FHIT: variants seen among roughly 807,000 people sequenced by gnomAD.
FHIT encodes the protein fragile histidine triad diadenosine triphosphatase.
In FHIT, 19 loss-of-function variants were observed where a neutral mutation model predicts 17.9. That is an observed-to-expected ratio of 1.06 (90% CI 0.74 to 1.56). FHIT has a LOEUF of 1.56. Ranked by LOEUF, FHIT falls within the 40% of genes most tolerant of loss-of-function variation. The pLI is 0.00. For synonymous variants in FHIT, 81 were observed against 69.7 expected (o/e 1.16, Z -0.81); for missense variants, 248 against 189.2 (o/e 1.31, Z -1.82).
chr3:60,543,141 C>T (rs753259717), intron 4 of FHIT, among the ~76,000 whole-genome samples: 14 of 152,080 alleles, frequency 9.2e-5, no homozygotes, highest in Non-Finnish European at 1.8e-4. Context: ...GCAGGCCACA[C>T]AATGTCTGTT....
intron 5 of FHIT, among the ~76,000 whole-genome samples, chr3:60,396,862 G>T (rs562875266): frequency 6.6e-6 from 1 of 151,970 alleles, no homozygotes; most frequent in South Asian, 2.1e-4. Flanking sequence ...TACATATAAA[G>T]AATTTTTTTT....
intron 5 of FHIT, among the ~76,000 whole-genome samples, chr3:60,467,624 A>G (rs2032871355): frequency 6.6e-6 from 1 of 152,002 alleles, no homozygotes. Flanking sequence ...GTGTTTGTAT[A>G]ATTTCCAAAA....
chr3:60,873,836 C>T (rs1383207751), intron 3 of FHIT, among the ~76,000 whole-genome samples: 11 of 152,082 alleles, frequency 7.2e-5, no homozygotes, highest in Non-Finnish European at 1.2e-4. Context: ...AAGCCCTTTA[C>T]AATATTTAGA....
chr3:59,918,548 T>C (rs1186454822), intron 8 of FHIT, among the ~76,000 whole-genome samples: 2 of 152,052 alleles, frequency 1.3e-5, no homozygotes, highest in Non-Finnish European at 2.9e-5. Flanking sequence ...GCACTGTAAA[T>C]GAATAGGCAG....
chr3:59,921,364 G>A (rs748727870), intron 8 of FHIT, among the ~76,000 whole-genome samples: 11 of 152,294 alleles, frequency 7.2e-5, no homozygotes, highest in South Asian at 2.1e-4. Flanking sequence ...TAATCATGTG[G>A]TTTATTTGAT....
At chr3:60,290,904 T>G (rs1172660418) in intron 5 of FHIT, among the ~76,000 whole-genome samples, 1 of 152,166 alleles carries the variant, frequency 6.6e-6, no homozygotes, top group East Asian at 1.9e-4. Context: ...AGCAGTCTGA[T>G]CCAGGCAGCT....
At chr3:61,169,392 A>T (rs367573197) in intron 2 of FHIT, among the ~76,000 whole-genome samples, 1 of 152,326 alleles carries the variant, frequency 6.6e-6, no homozygotes, top group African/African-American at 2.4e-5. Context: ...CTCAAATCAT[A>T]TAAGTAAAAT....
At chr3:60,449,936 G>A in intron 5 of FHIT, among the ~76,000 whole-genome samples, 1 of 146,322 alleles carries the variant, frequency 6.8e-6, no homozygotes, top group Admixed American at 7.0e-5. Flanking sequence ...CTGGGAGGCA[G>A]AGGTTGCAAT....
At chr3:60,692,477 A>T (rs1303004801) in intron 4 of FHIT, among the ~76,000 whole-genome samples, 1 of 152,210 alleles carries the variant, frequency 6.6e-6, no homozygotes, top group Non-Finnish European at 1.5e-5. Context: ...TCTCAAAAAC[A>T]GAAGTAGAAT....
intron 8 of FHIT, among the ~76,000 whole-genome samples, chr3:59,754,035 A>T (rs192565807): frequency 2.6e-3 from 394 of 152,294 alleles, no homozygotes; most frequent in Non-Finnish European, 4.1e-3. Flanking sequence ...CTAATAAATG[A>T]CTTTTGCTAT....
At chr3:60,911,370 T>TTCAC (rs1706733455) in intron 3 of FHIT, among the ~76,000 whole-genome samples, 1 of 54,186 alleles carries the variant, frequency 1.8e-5, no homozygotes, top group Non-Finnish European at 3.6e-5. Flanking sequence ...ATTCTTTGCA[T>TTCAC]GCACACACAC....
intron 7 of FHIT, among the ~76,000 whole-genome samples, chr3:59,955,806 C>T (rs1575761666): frequency 1.3e-5 from 2 of 152,172 alleles, no homozygotes. Flanking sequence ...TAACCGTATA[C>T]GTTTTTCTTT....
intron 4 of FHIT, among the ~76,000 whole-genome samples, chr3:60,771,252 C>T (rs1700030123): frequency 6.6e-6 from 1 of 152,204 alleles, no homozygotes; most frequent in Non-Finnish European, 1.5e-5. Flanking sequence ...GAAGCACATC[C>T]CTGGACACAC....
chr3:60,437,429 T>G (rs1173011293), intron 5 of FHIT, among the ~76,000 whole-genome samples: 2 of 152,110 alleles, frequency 1.3e-5, no homozygotes, highest in African/African-American at 4.8e-5. Context: ...GAAAAGCAAG[T>G]AAAGCTCCAT....
chr3:59,956,039 C>T (rs747212143), intron 7 of FHIT, among the ~76,000 whole-genome samples: 1 of 152,212 alleles, frequency 6.6e-6, no homozygotes, highest in African/African-American at 2.4e-5. Context: ...GATCTACTCA[C>T]AAAAATCCTC....
chr3:60,381,627 C>T (rs1700803357), intron 5 of FHIT, among the ~76,000 whole-genome samples: 1 of 152,216 alleles, frequency 6.6e-6, no homozygotes, highest in Non-Finnish European at 1.5e-5. Flanking sequence ...CATTGACTGC[C>T]AATCTCTCTT....
At chr3:60,106,955 T>G (rs1318059477) in intron 5 of FHIT, among the ~76,000 whole-genome samples, 1 of 152,128 alleles carries the variant, frequency 6.6e-6, no homozygotes, top group East Asian at 1.9e-4. Context: ...ACGAAACTTT[T>G]TTATTGTAAG....
intron 9 of FHIT, chr3:59,750,086 G>T (rs956165332): frequency 4.4e-6 from 1 of 225,860 alleles, no homozygotes; most frequent in Non-Finnish European, 8.8e-6. Flanking sequence ...TATCTTTCTG[G>T]TAAGATGTAC....
chr3:60,456,636 T>C (rs1309753974), intron 5 of FHIT, among the ~76,000 whole-genome samples: 1 of 152,172 alleles, frequency 6.6e-6, no homozygotes, highest in African/African-American at 2.4e-5. Flanking sequence ...TTAGACTAGA[T>C]CAAAGAAGCT....
Sources: gnomAD v4.1 joint callset for allele counts (sites outside exome capture counted in the v4.1 genomes callset) on GRCh38, gnomAD v4.1.1 for gene constraint, MANE v1.5 for transcripts, NCBI Gene and HGNC (gene_info 2026-07-23, HGNC 2026-07-21) for gene names.